Variants in ATRNL1 observed in about 807,000 individuals in gnomAD.
ATRNL1 encodes attractin-like protein 1.
Under a neutral mutation model 182.7 loss-of-function variants are expected in ATRNL1, and 95 were observed. That is an observed-to-expected ratio of 0.52 (90% CI 0.44 to 0.62). ATRNL1 has a LOEUF of 0.62. ATRNL1 is among the 20% of genes least tolerant of loss of function. The probability of loss-of-function intolerance (pLI) is 0.00; values close to 1 mark genes in which losing one functional copy is unlikely to be tolerated. For missense variants in ATRNL1, 1,471 were observed against 1,679.5 expected, an observed-to-expected ratio of 0.88 and a Z score of 2.17; for synonymous variants, 576 against 568.3, an observed-to-expected ratio of 1.01 and a Z score of -0.19.
rs569871712 is a variant in ATRNL1, at chr10:115,647,857, T to C, written c.3796-79391T>C. Among the ~76,000 whole-genome samples the C allele has an allele frequency of 5.9e-5, 9 of 152,308 alleles. No individual in the cohort carries two copies. In the East Asian group the frequency reaches 1.7e-3, roughly 29 times the overall value. On this transcript the variant is annotated intron_variant, in intron 26 of 28. Transcript: ENST00000355044. ...GCCATTGCTTTTGGTGTTTTAGTCATGAAGTCCTTGCCCAGGCCTATGTCC... is the reference window on the plus strand; with the variant it reads ...GCCATTGCTTTTGGTGTTTTAGTCACGAAGTCCTTGCCCAGGCCTATGTCC...
intron 24 of ATRNL1, among the ~76,000 whole-genome samples, chr10:115,495,236 A>G (rs1410335643): frequency 6.6e-6 from 1 of 151,980 alleles, no homozygotes; most frequent in African/African-American, 2.4e-5. Context: ...TAGTATAGCT[A>G]GTGGTCTATG....
At chr10:115,652,660 G>T (rs782259439) in intron 26 of ATRNL1, among the ~76,000 whole-genome samples, 2 of 151,806 alleles carry the variant, frequency 1.3e-5, no homozygotes, top group African/African-American at 2.4e-5. Flanking sequence ...TATATTCGAG[G>T]TCTCATATAC....
intron 27 of ATRNL1, among the ~76,000 whole-genome samples, chr10:115,819,569 C>T (rs1950244823): frequency 6.6e-6 from 1 of 152,080 alleles, no homozygotes; most frequent in Admixed American, 6.6e-5. Flanking sequence ...CCAAATCCAT[C>T]CCTTTTTTAT....
At chr10:115,770,459 T>C (rs782641653) in intron 27 of ATRNL1, among the ~76,000 whole-genome samples, 10 of 152,172 alleles carry the variant, frequency 6.6e-5, no homozygotes, top group Non-Finnish European at 1.3e-4. Flanking sequence ...TTTTAACCAA[T>C]CAGTGAGAAA....
intron 27 of ATRNL1, among the ~76,000 whole-genome samples, chr10:115,757,474 T>C (rs1363855593): frequency 6.6e-6 from 1 of 152,224 alleles, no homozygotes; most frequent in Non-Finnish European, 1.5e-5. Flanking sequence ...TTTAAGAATG[T>C]TGAATATTGT....
chr10:115,565,831 A>T (rs1307815696), intron 26 of ATRNL1, among the ~76,000 whole-genome samples: 1 of 152,134 alleles, frequency 6.6e-6, no homozygotes, highest in African/African-American at 2.4e-5. Flanking sequence ...GTATAAAAGT[A>T]TATTTTGTTC....
intron 20 of ATRNL1, 98 bp downstream of exon 20, chr10:115,394,850 G>T: frequency 1.1e-6 from 1 of 888,220 alleles, no homozygotes; most frequent in Admixed American, 2.8e-5. Context: ...GTGCTAGTTA[G>T]GCATACCTTT....
At chr10:115,728,823 T>A (rs1555061574) in intron 27 of ATRNL1, among the ~76,000 whole-genome samples, 1 of 152,204 alleles carries the variant, frequency 6.6e-6, no homozygotes, top group East Asian at 1.9e-4. Flanking sequence ...ATCTTCTATT[T>A]GTTGGGGAAA....
At chr10:115,201,551 C>T (rs144546147) in intron 8 of ATRNL1, among the ~76,000 whole-genome samples, 9,214 of 152,078 alleles carry the variant, frequency 0.061, 381 homozygotes, top group Middle Eastern at 0.095. Flanking sequence ...AGATATGCGG[C>T]GTTATTTCTG....
chr10:115,203,353 T>C (rs2144323855), intron 8 of ATRNL1, among the ~76,000 whole-genome samples: 2 of 152,204 alleles, frequency 1.3e-5, no homozygotes, highest in South Asian at 4.1e-4. Flanking sequence ...CTACAATGAC[T>C]TCTTAGAGAA....
At chr10:115,401,029 T>C (rs1181034537) in intron 20 of ATRNL1, among the ~76,000 whole-genome samples, 2 of 152,054 alleles carry the variant, frequency 1.3e-5, no homozygotes, top group Admixed American at 6.6e-5. Flanking sequence ...ACTAACTAAA[T>C]GTATTTTGGT....
rs141005386 is a variant in ATRNL1 at position 115,790,170 on chromosome 10, G to C, written c.3904-57707G>C. On this transcript the variant is annotated intron_variant, in intron 27 of 28. Transcript: ENST00000355044. ...ATCATAGAATGCATGGTCTGTCATT[G>C]TCTCTCCAGAGCAGGACAATCTGAC... 7.9e-5 allele frequency among the ~76,000 whole-genome samples: 12 copies of C among 151,042 alleles called. No individual in the cohort carries two copies. In the East Asian group the frequency reaches 2.3e-3, roughly 30 times the overall value.
chr10:115,911,115 A>G lies in ATRNL1; in HGVS notation c.4019-33543A>G, dbSNP rs1952664153. 2.0e-5 allele frequency among the ~76,000 whole-genome samples: 3 copies of G among 149,322 alleles called. No homozygotes were observed. In the South Asian group the frequency reaches 6.4e-4, roughly 32 times the overall value. On this transcript the variant is annotated intron_variant, in intron 28 of 28. Coordinates refer to ENST00000355044, the MANE Select transcript of ATRNL1 (RefSeq NM_207303.4). The stretch of plus-strand genomic sequence containing the variant: ...CGCCTCCCAGGTTCTAACGATTCTC[A>G]TGGCTCAGCCTTTGCTGGGACTACA...
At chr10:115,111,509 G>A (rs1844255213) in intron 1 of ATRNL1, among the ~76,000 whole-genome samples, 1 of 152,160 alleles carries the variant, frequency 6.6e-6, no homozygotes, top group African/African-American at 2.4e-5. Context: ...ATGGGAGCTG[G>A]TATCTGCAGA....
intron 21 of ATRNL1, among the ~76,000 whole-genome samples, chr10:115,453,693 G>A (rs797027091): frequency 9.4e-5 from 14 of 149,716 alleles, no homozygotes; most frequent in African/African-American, 2.9e-4. Context: ...AAACTATCGC[G>A]AGGACAAAAA....
At chr10:115,536,393 G>A (rs187356345) in intron 25 of ATRNL1, among the ~76,000 whole-genome samples, 14 of 152,326 alleles carry the variant, frequency 9.2e-5, no homozygotes, top group South Asian at 4.1e-4. Context: ...GTGAGACTCC[G>A]TGGGCGTAGG....
rs1848630586 is a variant in ATRNL1 at position 115,478,548 on chromosome 10, T to G, written c.3654+9219T>G. On this transcript the variant is annotated intron_variant, in intron 24 of 28. Coordinates refer to ENST00000355044, the MANE Select transcript of ATRNL1 (RefSeq NM_207303.4). ...CTTTAAATCTCTTTCTTCAGTCTGT[T>G]ATAATGGAGACTGATAAAATTCAAT... is the stretch of plus-strand genomic sequence containing the variant. 2.6e-5 allele frequency among the ~76,000 whole-genome samples: 4 copies of G among 151,840 alleles called. No homozygotes were observed. In the South Asian group the frequency reaches 8.3e-4, roughly 31 times the overall value.
chr10:115,704,147 T>C (rs1305589479), intron 26 of ATRNL1, among the ~76,000 whole-genome samples: 1 of 152,000 alleles, frequency 6.6e-6, no homozygotes, highest in Non-Finnish European at 1.5e-5. Context: ...TTCTGGAGGC[T>C]ATAAGTCTAA....
At chr10:115,587,044 G>A (rs1477628653) in intron 26 of ATRNL1, among the ~76,000 whole-genome samples, 2 of 149,826 alleles carry the variant, frequency 1.3e-5, no homozygotes, top group Admixed American at 6.7e-5. Context: ...CTACTGGGGG[G>A]TGCCTCCCAG....
Sources: gnomAD v4.1 joint callset for allele counts (sites outside exome capture counted in the v4.1 genomes callset) on GRCh38, gnomAD v4.1.1 for gene constraint, MANE v1.5 for transcripts, NCBI Gene and HGNC (gene_info 2026-07-23, HGNC 2026-07-21) for gene names.